OR9Q1: variants seen among roughly 807,000 people sequenced by gnomAD.
OR9Q1 encodes olfactory receptor 9Q1.
For missense variants in OR9Q1, 374 were observed against 378.8 expected (o/e 0.99, Z 0.11); for synonymous variants, 153 against 148.6 (o/e 1.03, Z -0.22).
At chr11:58,029,180 C>T (rs898669653) in intron 1 of OR9Q1, among the ~76,000 whole-genome samples, 2 of 152,186 alleles carry the variant, frequency 1.3e-5, no homozygotes, top group African/African-American at 2.4e-5. Context: ...GTCAGCTTGG[C>T]CAGCTCAACT....
At chr11:58,069,815 A>G (rs1853468562) in intron 2 of OR9Q1, among the ~76,000 whole-genome samples, 1 of 151,318 alleles carries the variant, frequency 6.6e-6, no homozygotes, top group African/African-American at 2.4e-5. Context: ...GGCTGCAGTG[A>G]GTCAAGATGG....
In OR9Q1 at chr11:58,083,477, A is replaced by G. The variant is rs189356099; in HGVS notation, c.-15+27530A>G. 2.1e-3 allele frequency among the ~76,000 whole-genome samples: 320 copies of G among 152,188 alleles called. 1 individual carries two copies. The highest frequency in any genetic ancestry group is 7.1e-3 in the African/African-American group (293 of 41,560). On this transcript the variant is annotated intron_variant, in intron 2 of 2. Coordinates refer to ENST00000335397, the MANE Select transcript of OR9Q1 (RefSeq NM_001005212.4). Reference sequence around the variant, plus strand: ...AAGCTCTTTCATTTAATTAGGTCCCACTTGTCAATTTTTGGTTTAATTGCA... The same window carrying G: ...AAGCTCTTTCATTTAATTAGGTCCCGCTTGTCAATTTTTGGTTTAATTGCA...
chr11:58,097,742 C>T (rs1311274018), intron 2 of OR9Q1, among the ~76,000 whole-genome samples: 1 of 152,186 alleles, frequency 6.6e-6, no homozygotes, highest in Non-Finnish European at 1.5e-5. Context: ...TAAACACATT[C>T]TGGTATATCC....
At chr11:58,112,451 A>G (rs1468888589) in intron 2 of OR9Q1, among the ~76,000 whole-genome samples, 1 of 152,204 alleles carries the variant, frequency 6.6e-6, no homozygotes, top group African/African-American at 2.4e-5. Context: ...ATTAGGATTT[A>G]TGTTGTTATG....
In OR9Q1 at chr11:58,126,651, A is replaced by C. The variant is rs189911059; in HGVS notation, c.-14-52780A>C. Among the ~76,000 whole-genome samples the C allele has an allele frequency of 5.5e-4, 84 of 152,252 alleles. 1 individual carries two copies. In the Middle Eastern group the frequency reaches 0.01, roughly 18 times the overall value. On this transcript the variant is annotated intron_variant, in intron 2 of 2. Transcript: ENST00000335397. Reference sequence around the variant, plus strand: ...CACAAGAAATTCTACCTTCCAATACATTTTTGGACAATATTTATTATTTCC... The same window carrying C: ...CACAAGAAATTCTACCTTCCAATACCTTTTTGGACAATATTTATTATTTCC...
chr11:58,176,695 G>A (rs527424846), intron 2 of OR9Q1, among the ~76,000 whole-genome samples: 1 of 152,300 alleles, frequency 6.6e-6, no homozygotes, highest in African/African-American at 2.4e-5. Context: ...AGGCAGTGAA[G>A]TTATTATTGT....
intron 2 of OR9Q1, among the ~76,000 whole-genome samples, chr11:58,129,146 C>A (rs978658816): frequency 3.9e-5 from 6 of 152,066 alleles, no homozygotes; most frequent in Non-Finnish European, 8.8e-5. Flanking sequence ...CAGGTGGATC[C>A]ACCATCTCCA....
At chr11:58,053,647 T>TTA (rs1431401576) in intron 1 of OR9Q1, among the ~76,000 whole-genome samples, 22 of 143,676 alleles carry the variant, frequency 1.5e-4, no homozygotes, top group East Asian at 1.0e-3. Flanking sequence ...TATATATAAA[T>TTA]TATATATATA....
chr11:58,144,754 A>C (rs866807191), intron 2 of OR9Q1: 1 of 152,352 alleles, frequency 6.6e-6, no homozygotes, highest in Non-Finnish European at 1.5e-5. Flanking sequence ...TAAGATGATC[A>C]TCACCTATGA....
At chr11:58,053,384 T>C in intron 1 of OR9Q1, among the ~76,000 whole-genome samples, 1 of 131,006 alleles carries the variant, frequency 7.6e-6, no homozygotes, top group East Asian at 2.3e-4. Flanking sequence ...CACTCATAGG[T>C]GGGAATTGAA....
intron 2 of OR9Q1, among the ~76,000 whole-genome samples, chr11:58,145,802 T>C (rs1854294488): frequency 6.6e-6 from 1 of 152,176 alleles, no homozygotes; most frequent in Non-Finnish European, 1.5e-5. Context: ...TTAAGCTCAT[T>C]TTTGTGCCTA....
intron 2 of OR9Q1, among the ~76,000 whole-genome samples, chr11:58,102,529 T>C (rs1853794192): frequency 6.6e-6 from 1 of 151,288 alleles, no homozygotes; most frequent in South Asian, 2.1e-4. Context: ...AAGCAAAGCT[T>C]TTCTGGGTAT....
intron 2 of OR9Q1, among the ~76,000 whole-genome samples, chr11:58,136,764 GA>G (rs1854193472): frequency 6.6e-6 from 1 of 152,110 alleles, no homozygotes; most frequent in Non-Finnish European, 1.5e-5. Flanking sequence ...AGCTTAGAAG[GA>G]TCACATTAAT....
intron 2 of OR9Q1, among the ~76,000 whole-genome samples, chr11:58,061,794 G>A (rs959355630): frequency 6.6e-6 from 1 of 152,198 alleles, no homozygotes; most frequent in Non-Finnish European, 1.5e-5. Context: ...CAAGTTAAAG[G>A]TAGCACTTAG....
chr11:58,063,466 A>G (rs1350314333), intron 2 of OR9Q1, among the ~76,000 whole-genome samples: 1 of 152,218 alleles, frequency 6.6e-6, no homozygotes, highest in Non-Finnish European at 1.5e-5. Context: ...GGATCTAAAA[A>G]TCACCTTTCT....
At chr11:58,070,258 T>A (rs1442242061) in intron 2 of OR9Q1, among the ~76,000 whole-genome samples, 1 of 151,868 alleles carries the variant, frequency 6.6e-6, no homozygotes, top group African/African-American at 2.4e-5. Flanking sequence ...TCAAGTGATC[T>A]GCTCGCCTTG....
chr11:58,097,415 C>A (rs1373552790), intron 2 of OR9Q1, among the ~76,000 whole-genome samples: 3 of 152,164 alleles, frequency 2.0e-5, no homozygotes, highest in Non-Finnish European at 4.4e-5. Flanking sequence ...AAGAAACTGG[C>A]AAATACTTTC....
chr11:58,170,677 C>A (rs1038491600), intron 2 of OR9Q1, among the ~76,000 whole-genome samples: 2 of 152,088 alleles, frequency 1.3e-5, no homozygotes, highest in African/African-American at 2.4e-5. Flanking sequence ...ATGAATAAGT[C>A]TCATGAGATC....
chr11:58,120,295 T>G (rs1464490892), intron 2 of OR9Q1, among the ~76,000 whole-genome samples: 1 of 152,102 alleles, frequency 6.6e-6, no homozygotes, highest in Non-Finnish European at 1.5e-5. Context: ...AAAATCAAAG[T>G]TGGGTAGAGT....
Sources: gnomAD v4.1 joint callset for allele counts (sites outside exome capture counted in the v4.1 genomes callset) on GRCh38, gnomAD v4.1.1 for gene constraint, MANE v1.5 for transcripts, NCBI Gene and HGNC (gene_info 2026-07-23, HGNC 2026-07-21) for gene names.